ARHGEF12: variants seen among roughly 807,000 people sequenced by gnomAD.
ARHGEF12 encodes the protein KMT2A/ARHGEF12 fusion protein.
A neutral mutation model predicts 211.2 loss-of-function variants in ARHGEF12; 66 were observed. That is an observed-to-expected ratio of 0.31 (90% CI 0.26 to 0.38). The LOEUF is 0.38. Among genes scored for constraint, ARHGEF12 ranks in the 10% least tolerant of loss-of-function variants. The pLI is 1.00. For synonymous variants in ARHGEF12, 592 were observed against 638.4 expected (o/e 0.93, Z 1.09); for missense variants, 1,429 against 1,869.5 (o/e 0.76, Z 4.34).
chr11:120,362,103 A>G (rs1334721561), intron 1 of ARHGEF12, among the ~76,000 whole-genome samples: 2 of 152,252 alleles, frequency 1.3e-5, no homozygotes, highest in African/African-American at 2.4e-5. Context: ...ATGCTTGATG[A>G]TAAAATAAAA....
chr11:120,481,667 A>T, intron 39 of ARHGEF12, 91 bp downstream of exon 39: 2 of 1,282,736 alleles, frequency 1.6e-6, no homozygotes, highest in Non-Finnish European at 2.2e-6. Context: ...GATGTCAATA[A>T]ACTTGTTCAG....
At chr11:120,405,553 T>C (rs1392731641) in intron 1 of ARHGEF12, among the ~76,000 whole-genome samples, 2 of 152,212 alleles carry the variant, frequency 1.3e-5, no homozygotes, top group Non-Finnish European at 2.9e-5. Flanking sequence ...TAATCTGTTA[T>C]TAAATCTAAA....
At chr11:120,446,198 AAATAATAATAATAATAATAAT>A (rs59459827) in intron 16 of ARHGEF12, among the ~76,000 whole-genome samples, 184 bp from the exon 17 acceptor site, 9 of 140,366 alleles carry the variant, frequency 6.4e-5, no homozygotes, top group Admixed American at 2.2e-4. Flanking sequence ...ACTCCATCTC[AAATAATAATAATAATAATAAT>A]AATAATAATA....
intron 16 of ARHGEF12, 60 bp downstream of exon 16, chr11:120,445,524 C>G (rs1946017863): frequency 8.5e-6 from 13 of 1,527,246 alleles, no homozygotes; most frequent in Non-Finnish European, 8.2e-6. Flanking sequence ...TAGCTCAGCT[C>G]ATCTGTTCAG....
At chr11:120,446,377 T>A (rs767754731) in intron 16 of ARHGEF12, 26 bp from the exon 17 acceptor site, 2 of 1,567,908 alleles carry the variant, frequency 1.3e-6, no homozygotes, top group South Asian at 2.3e-5. Flanking sequence ...TACCTTTAGA[T>A]AACATAATTC....
chr11:120,396,569 A>G (rs1407606054), intron 1 of ARHGEF12, among the ~76,000 whole-genome samples: 3 of 152,234 alleles, frequency 2.0e-5, no homozygotes, highest in African/African-American at 7.2e-5. Context: ...ATATATGGAA[A>G]ACTGATTTTC....
At chr11:120,436,018 T>C (rs1945683566) in intron 11 of ARHGEF12, among the ~76,000 whole-genome samples, 1 of 152,186 alleles carries the variant, frequency 6.6e-6, no homozygotes, top group Non-Finnish European at 1.5e-5. Context: ...AAATGTAGGG[T>C]AAATACTTCT....
rs141632478 is a variant in ARHGEF12 at position 120,477,124 on chromosome 11, G to T, written c.3366-95G>T. 9 of 807,396 alleles carry T rather than the reference G, an allele frequency of 1.1e-5. No homozygotes were observed. In the African/African-American group the frequency reaches 1.6e-4, roughly 14 times the overall value. The allele number at this position is 807,396 out of a possible 1,614,324, so 50.0% of individuals were successfully genotyped here. ...GTTGTTGTTGTTGTTGTTGTTGGTTGATTTGGTTTTTGTTTAGTTTTGCTT... is the reference window on the plus strand; with the variant it reads ...GTTGTTGTTGTTGTTGTTGTTGGTTTATTTGGTTTTTGTTTAGTTTTGCTT... On this transcript the variant is annotated intron_variant, in intron 34 of 40. Coordinates refer to ENST00000397843, the MANE Select transcript of ARHGEF12 (RefSeq NM_015313.3).
intron 1 of ARHGEF12, among the ~76,000 whole-genome samples, chr11:120,364,321 G>C (rs866009552): frequency 6.6e-6 from 1 of 152,154 alleles, no homozygotes; most frequent in African/African-American, 2.4e-5. Context: ...TGCTACAAGA[G>C]GGTTGTGGTA....
At chr11:120,428,742 G>A (rs1945433247) in intron 8 of ARHGEF12, among the ~76,000 whole-genome samples, 1 of 152,140 alleles carries the variant, frequency 6.6e-6, no homozygotes, top group South Asian at 2.1e-4. Flanking sequence ...GAGGGAGAAA[G>A]CACATAGAAG....
rs78185311 is a variant in ARHGEF12 at position 120,466,364 on chromosome 11, G to A, written c.2740-830G>A. On this transcript the variant is annotated intron_variant, in intron 28 of 40. Coordinates refer to ENST00000397843, the MANE Select transcript of ARHGEF12 (RefSeq NM_015313.3). Reference sequence around the variant, plus strand: ...AGATCTCTGCCATATGGCCCCATTAGGCAGTTTAGAGGTGGATGTTTGCTT... The same window carrying A: ...AGATCTCTGCCATATGGCCCCATTAAGCAGTTTAGAGGTGGATGTTTGCTT... Among the ~76,000 whole-genome samples, 1,285 of 152,334 alleles carry A rather than the reference G, an allele frequency of 8.4e-3. 86 individuals carry two copies. The South Asian group carries it at 0.16, about 19-fold the overall frequency.
chr11:120,467,853 T>C (rs538905283), intron 29 of ARHGEF12, among the ~76,000 whole-genome samples: 1 of 152,324 alleles, frequency 6.6e-6, no homozygotes, highest in Admixed American at 6.5e-5. Flanking sequence ...TCATGCTCAC[T>C]GTCTGTTTTT....
chr11:120,457,853 A>C, intron 24 of ARHGEF12, 97 bp downstream of exon 24: 4 of 1,339,408 alleles, frequency 3.0e-6, no homozygotes, highest in Non-Finnish European at 4.1e-6. Flanking sequence ...GAAACCCTGT[A>C]TACCAATCTG....
intron 7 of ARHGEF12, among the ~76,000 whole-genome samples, chr11:120,426,311 T>C (rs1366105794): frequency 1.3e-5 from 2 of 152,176 alleles, no homozygotes; most frequent in Non-Finnish European, 2.9e-5. Context: ...ACTTAAAAAA[T>C]TAAATCCTGG....
rs1195555066 is a variant in ARHGEF12, at chr11:120,441,810, C to A, written c.1196C>A (p.Ala399Glu). 3.1e-6 allele frequency: 5 copies of A among 1,612,822 alleles called. No individual in the cohort carries two copies. The highest frequency in any genetic ancestry group is 4.2e-6 in the Non-Finnish European group (5 of 1,179,176). ...LHHVVSQFDP[A>E]TLLCYLYSDL... is the part of the protein sequence containing the mutation. ...CATGTAGTTTCACAATTTGACCCTG[C>A]GACTTTGGTAATATATTTTACAATC... is the stretch of plus-strand genomic sequence containing the variant. The change falls in exon 14 of 41, where the codon GCG (alanine) becomes GAG (glutamate). Residue 399 changes from alanine (A) to glutamate (E), a missense_variant. Coordinates refer to ENST00000397843, the MANE Select transcript of ARHGEF12 (RefSeq NM_015313.3).
chr11:120,355,363 C>G (rs571989018), intron 1 of ARHGEF12, among the ~76,000 whole-genome samples: 1 of 152,196 alleles, frequency 6.6e-6, no homozygotes, highest in African/African-American at 2.4e-5. Context: ...ATTTTGTAAC[C>G]ATGAACACCA....
At chr11:120,413,715 G>A (rs972382274) in intron 4 of ARHGEF12, among the ~76,000 whole-genome samples, 1 of 152,106 alleles carries the variant, frequency 6.6e-6, no homozygotes, top group East Asian at 1.9e-4. Flanking sequence ...TGTATGTCTG[G>A]CACCAGTTTA....
At chr11:120,399,321 C>CAAAAAAAAAAAAAAAAAAAAAAA (rs71050743) in intron 1 of ARHGEF12, among the ~76,000 whole-genome samples, 44 of 36,506 alleles carry the variant, frequency 1.2e-3, no homozygotes, top group Admixed American at 1.6e-3. Flanking sequence ...ACATTGTCTC[C>CAAAAAAAAAAAAAAAAAAAAAAA]AAAAAAAAAA....
chr11:120,429,957 T>TAC, intron 10 of ARHGEF12, 126 bp downstream of exon 10: 5 of 1,010,828 alleles, frequency 4.9e-6, no homozygotes, highest in Non-Finnish European at 7.0e-6. Context: ...CAGGATGTCC[T>TAC]GTTAAGGATG....
Sources: gnomAD v4.1 joint callset for allele counts (sites outside exome capture counted in the v4.1 genomes callset) on GRCh38, gnomAD v4.1.1 for gene constraint, MANE v1.5 for transcripts, NCBI Gene and HGNC (gene_info 2026-07-23, HGNC 2026-07-21) for gene names.